The following RRM2 variants were observed in gnomAD, a reference collection of about 807,000 sequenced individuals.
RRM2 encodes the protein ribonucleoside-diphosphate reductase subunit M2.
In RRM2, 6 loss-of-function variants were observed where a neutral mutation model predicts 45.9. The observed-to-expected ratio is 0.13, with a 90% CI of 0.07 to 0.26. RRM2 has a LOEUF of 0.26. Among genes scored for constraint, RRM2 ranks in the 10% least tolerant of loss-of-function variants. RRM2 has a pLI of 1.00. For synonymous variants in RRM2, 177 were observed against 173.0 expected, an observed-to-expected ratio of 1.02 and a Z score of -0.18; for missense variants, 343 against 489.5, an observed-to-expected ratio of 0.70 and a Z score of 2.82.
intron 3 of RRM2, among the ~76,000 whole-genome samples, chr2:10,209,632 TG>T (rs1477621826): frequency 1.4e-5 from 2 of 140,052 alleles, no homozygotes; most frequent in Non-Finnish European, 3.2e-5. Flanking sequence ...TGTGTGTGTG[TG>T]TGTGTTGGGA....
intron 3 of RRM2, among the ~76,000 whole-genome samples, chr2:10,160,092 G>C (rs1043072317): frequency 1.2e-4 from 18 of 152,126 alleles, no homozygotes; most frequent in Non-Finnish European, 2.4e-4. Context: ...CAAACCAGGG[G>C]GTTCCTGCTC....
intron 3 of RRM2, among the ~76,000 whole-genome samples, chr2:10,184,061 A>G (rs1391244695): frequency 2.3e-5 from 3 of 128,830 alleles, no homozygotes; most frequent in African/African-American, 8.4e-5. Context: ...CCACTGCACT[A>G]CAGCCTGGGT....
At chr2:10,139,953 A>C (rs190193350), upstream of RRM2, among the ~76,000 whole-genome samples, 1 of 152,336 alleles carries the variant, frequency 6.6e-6, no homozygotes, top group East Asian at 1.9e-4. Context: ...ATATGTTTTA[A>C]AAATCAAAAG....
exon 4 of RRM2, chr2:10,210,578 G>A (rs770039745): frequency 5.9e-6 from 8 of 1,365,914 alleles, no homozygotes; most frequent in Non-Finnish European, 2.9e-6. Flanking sequence ...ACCATTCTCA[G>A]ACCCCCCAGG....
chr2:10,178,640 A>G (rs1663981802), intron 3 of RRM2, among the ~76,000 whole-genome samples: 2 of 152,164 alleles, frequency 1.3e-5, no homozygotes, highest in African/African-American at 4.8e-5. Flanking sequence ...GAATCAAGCA[A>G]CTAGTAACCT....
rs1572541326 is a variant in RRM2, at chr2:10,210,677, G to A, written n.849G>A. The A allele has an allele frequency of 4.7e-6, 6 of 1,269,414 alleles. No homozygotes were observed. In the East Asian group the frequency reaches 2.3e-4, roughly 49 times the overall value. 78.6% of individuals were successfully genotyped at this position (1,269,414 alleles called of 1,614,324 possible). ...GAAATGGAACCCGCAAAGCCTGCAGGCCAGGGAGGGTGGGAAACTGGGGTG... is the reference window on the plus strand; with the variant it reads ...GAAATGGAACCCGCAAAGCCTGCAGACCAGGGAGGGTGGGAAACTGGGGTG... On this transcript the variant is annotated non_coding_transcript_exon_variant, in exon 4 of 4. Coordinates refer to the RRM2 transcript ENST00000381786.
intron 2 of RRM2, 138 bp from the exon 3 acceptor site, chr2:10,123,249 C>T (rs1662704896): frequency 7.7e-7 from 1 of 1,303,138 alleles, no homozygotes; most frequent in Admixed American, 2.7e-5. Context: ...TGCTGCGACC[C>T]ACGGAGTGCG....
Position 10,185,914 on chromosome 2 carries a change from C to T in RRM2, n.483-24397C>T, listed in dbSNP as rs1664154821. Reference sequence around the variant, plus strand: ...GTCCTTCCTCGTGCCGAGGTTCTCTCTCCTTGACTGTTTCTCCTAGCTGAA... The same window carrying T: ...GTCCTTCCTCGTGCCGAGGTTCTCTTTCCTTGACTGTTTCTCCTAGCTGAA... On this transcript the variant is annotated intron_variant and non_coding_transcript_variant, in intron 3 of 3. Coordinates refer to the RRM2 transcript ENST00000381786. This position sits in a 1 kb window ranked among gnomAD's most constrained non-coding sequence, Gnocchi z 4.3. 1.3e-5 allele frequency among the ~76,000 whole-genome samples: 2 copies of T among 152,228 alleles called. No individual in the cohort carries two copies. Among genetic ancestry groups the T allele is most frequent in the South Asian group, 4.1e-4 (2 of 4,836 alleles).
chr2:10,140,723 G>GA, upstream of RRM2, among the ~76,000 whole-genome samples: 1 of 152,250 alleles, frequency 6.6e-6, no homozygotes, highest in Non-Finnish European at 1.5e-5. Context: ...TGTACATATG[G>GA]ATAGAGAGGA....
At chr2:10,144,897 GA>G (rs946057450) in intron 3 of RRM2, among the ~76,000 whole-genome samples, 24 of 152,180 alleles carry the variant, frequency 1.6e-4, no homozygotes, top group Admixed American at 1.4e-3. Flanking sequence ...TGAAAACAAT[GA>G]CCCCACTGGC....
chr2:10,159,532 G>A (rs1222643868), intron 3 of RRM2, among the ~76,000 whole-genome samples: 1 of 152,148 alleles, frequency 6.6e-6, no homozygotes, highest in African/African-American at 2.4e-5. Context: ...GTCTTTCCAC[G>A]AGGCCCTCAC....
chr2:10,189,555 G>A (rs1210084591), intron 3 of RRM2, among the ~76,000 whole-genome samples: 1 of 152,234 alleles, frequency 6.6e-6, no homozygotes, highest in Non-Finnish European at 1.5e-5. Context: ...GCAGACCACA[G>A]TGGCTGCTTT....
At chr2:10,203,760 A>AATAAATAAATAC (rs112744186) in intron 3 of RRM2, among the ~76,000 whole-genome samples, 1 of 150,030 alleles carries the variant, frequency 6.7e-6, no homozygotes, top group East Asian at 2.0e-4. Flanking sequence ...CACAAAAATA[A>AATAAATAAATAC]ATACATACAT....
At chr2:10,187,606 G>A (rs1476678500) in intron 3 of RRM2, among the ~76,000 whole-genome samples, 3 of 152,196 alleles carry the variant, frequency 2.0e-5, no homozygotes, top group Non-Finnish European at 4.4e-5. Flanking sequence ...CAGGGGATCT[G>A]GCCCCATGTG....
intron 3 of RRM2, 88 bp from the exon 4 acceptor site, chr2:10,123,648 A>G: frequency 7.0e-7 from 1 of 1,426,904 alleles, no homozygotes; most frequent in South Asian, 1.2e-5. Flanking sequence ...AAGTGGTGCC[A>G]GCATACTTAA....
intron 3 of RRM2, among the ~76,000 whole-genome samples, chr2:10,189,039 G>C (rs1199910761): frequency 6.6e-6 from 1 of 152,188 alleles, no homozygotes; most frequent in Non-Finnish European, 1.5e-5. Flanking sequence ...ACAGTCACTG[G>C]TGAAAGAGGG....
At chr2:10,178,138 G>A (rs1663971144) in intron 3 of RRM2, among the ~76,000 whole-genome samples, 1 of 151,428 alleles carries the variant, frequency 6.6e-6, no homozygotes, top group African/African-American at 2.4e-5. Context: ...GTGTTAGCCA[G>A]GATGGTCTCA....
Position 10,123,756 on chromosome 2 carries a change from T to G in RRM2, c.339T>G (p.Ile113Met). The change falls in exon 4 of 10, where the codon ATT becomes ATG. Residue 113 changes from isoleucine to methionine, a missense_variant. Physicochemically the swap from Ile to Met is conservative, Grantham distance 10. This residue lies in a region of RRM2 where 212 missense variants were observed against 368.1 expected (regional missense o/e 0.58). Transcript: ENST00000304567. ...TAEEVDLSKD[I>M]QHWESLKPEE... ...CTCAGGTGGACCTCTCCAAGGACATTCAGCACTGGGAATCCCTGAAACCCG... is the reference window on the plus strand; with the variant it reads ...CTCAGGTGGACCTCTCCAAGGACATGCAGCACTGGGAATCCCTGAAACCCG... The G allele has an allele frequency of 6.2e-7, 1 of 1,609,202 alleles. No individual in the cohort carries two copies. The highest frequency in any genetic ancestry group is 8.5e-7 in the Non-Finnish European group (1 of 1,175,528).
intron 3 of RRM2, among the ~76,000 whole-genome samples, chr2:10,194,654 C>T (rs900402646): frequency 5.3e-5 from 8 of 152,228 alleles, no homozygotes; most frequent in African/African-American, 1.9e-4. Flanking sequence ...GGGCTCTGGC[C>T]CAAGTTAGCA....
Sources: gnomAD v4.1 joint callset for allele counts (sites outside exome capture counted in the v4.1 genomes callset) on GRCh38, gnomAD v4.1.1 for gene constraint, gnomAD v4.1.1 regional missense constraint, Gnocchi (gnomAD v3.1) non-coding constraint, MANE v1.5 for transcripts, NCBI Gene and HGNC (gene_info 2026-07-23, HGNC 2026-07-21) for gene names.